GAP43: variants seen among roughly 807,000 people sequenced by gnomAD.
The protein encoded by GAP43 is neuromodulin.
GAP43 carries 6 observed loss-of-function variants against 18.6 expected under a neutral mutation model. The observed-to-expected ratio is 0.32, with a 90% CI of 0.18 to 0.64. GAP43 has a LOEUF of 0.64. Ranked by LOEUF, GAP43 falls within the 30% of genes least tolerant of loss-of-function variation. The pLI is 0.78. For synonymous variants in GAP43, 115 were observed against 111.4 expected, an observed-to-expected ratio of 1.03 and a Z score of -0.20; for missense variants, 292 against 295.5, an observed-to-expected ratio of 0.99 and a Z score of 0.09.
chr3:115,665,993 TG>T (rs1559795772), intron 1 of GAP43, among the ~76,000 whole-genome samples: 4,687 of 139,390 alleles, frequency 0.034, 134 homozygotes, highest in African/African-American at 0.07. Flanking sequence ...TAAATGAGTG[TG>T]TGTGTGTGTG....
At chr3:115,657,276 G>A (rs1370815214) in intron 1 of GAP43, among the ~76,000 whole-genome samples, 1 of 152,070 alleles carries the variant, frequency 6.6e-6, no homozygotes, top group Non-Finnish European at 1.5e-5. Flanking sequence ...GAGTTGCTTA[G>A]GTCTAAGGAG....
chr3:115,717,175 A>C (rs896380008), intron 2 of GAP43, among the ~76,000 whole-genome samples: 1 of 152,084 alleles, frequency 6.6e-6, no homozygotes, highest in Non-Finnish European at 1.5e-5. Flanking sequence ...TTCCTGAATG[A>C]GGTTATGTGC....
intron 1 of GAP43, chr3:115,663,750 A>T: frequency 6.4e-7 from 1 of 1,551,286 alleles, no homozygotes; most frequent in South Asian, 1.2e-5. Context: ...TTAGACAGTG[A>T]ACTAGGCCAG....
intron 2 of GAP43, among the ~76,000 whole-genome samples, chr3:115,709,980 G>C (rs897242620): frequency 1.2e-4 from 18 of 152,146 alleles, no homozygotes; most frequent in Middle Eastern, 6.8e-3. Context: ...TTATTAGACA[G>C]TTAGGTTCAA....
At chr3:115,719,396 A>G (rs1024423154) in intron 2 of GAP43, among the ~76,000 whole-genome samples, 1 of 152,188 alleles carries the variant, frequency 6.6e-6, no homozygotes, top group Admixed American at 6.5e-5. Context: ...TCCTTAACTG[A>G]TAAGAGTGGT....
chr3:115,666,323 T>C (rs967130814), intron 1 of GAP43, among the ~76,000 whole-genome samples: 1 of 152,168 alleles, frequency 6.6e-6, no homozygotes, highest in African/African-American at 2.4e-5. Flanking sequence ...TGAGAATAGA[T>C]ATAGCTCAGT....
intron 2 of GAP43, among the ~76,000 whole-genome samples, chr3:115,695,445 G>T (rs1050225785): frequency 5.9e-5 from 9 of 152,122 alleles, no homozygotes; most frequent in Non-Finnish European, 1.3e-4. Context: ...GTGACAATAT[G>T]GATTGTTTGT....
intron 2 of GAP43, among the ~76,000 whole-genome samples, chr3:115,696,405 C>T (rs1416783489): frequency 6.6e-6 from 1 of 151,980 alleles, no homozygotes; most frequent in African/African-American, 2.4e-5. Flanking sequence ...AATCTCAGCA[C>T]ATCTCACTTT....
rs542093374 is a variant in GAP43, at chr3:115,663,840, G to A, written c.31-12173G>A. 3.1e-5 allele frequency: 48 copies of A among 1,551,984 alleles called. No homozygotes were observed. The East Asian group carries it at 1.1e-3, about 34-fold the overall frequency. On this transcript the variant is annotated intron_variant, in intron 1 of 2. Transcript: ENST00000305124. The stretch of plus-strand genomic sequence containing the variant: ...CTCCACTTTTTACCTTGCCTGGGAG[G>A]CTTGAGGAAAAATCTTCAGAGAGCA...
At chr3:115,712,639 A>G (rs1709456657) in intron 2 of GAP43, among the ~76,000 whole-genome samples, 2 of 152,200 alleles carry the variant, frequency 1.3e-5, no homozygotes. Context: ...TAGGGCACGC[A>G]TTATTATTCA....
Position 115,652,389 on chromosome 3 carries a change from A to ATTTTTTTTTTTTTTTTTTT in GAP43, c.31-23623_31-23622insTTTTTTTTTTTTTTTTTTT, listed in dbSNP as rs1708531283. 9.0e-4 allele frequency among the ~76,000 whole-genome samples: 23 copies of ATTTTTTTTTTTTTTTTTTT among 25,620 alleles called. 2 individuals carry two copies. The highest frequency in any genetic ancestry group is 2.7e-3 in the African/African-American group (23 of 8,634). The allele number at this position is 25,620 out of a possible 152,430, so 16.8% of individuals were successfully genotyped here. ...TTTTTTTTTTTTTTTTTTTTTTGTG[A>ATTTTTTTTTTTTTTTTTTT]TAGAGTCTTGCTCTGTTGAGTCTTG... On this transcript the variant is annotated intron_variant, in intron 1 of 2. Coordinates refer to ENST00000305124, the MANE Select transcript of GAP43 (RefSeq NM_002045.4).
At position 115,676,568 on chromosome 3, in the gene GAP43, C is replaced by A. The variant is rs1362613425; in HGVS notation, c.586C>A (p.Pro196Thr). Residue 196 changes from proline (P) to threonine (T), a missense_variant, in exon 2 of 3, where the codon CCA (proline) becomes ACA (threonine). Pro to Thr is a conservative substitution (Grantham distance 38, BLOSUM62 -1). Transcript: ENST00000305124. ...DAAAKATAQP[P>T]TETGESSQAE... is the part of the protein sequence containing the mutation. ...TGCTGCCAAGGCAACAGCCCAGCCT[C>A]CAACGGAGACTGGGGAGAGCAGCCA... The A allele has an allele frequency of 6.2e-7, 1 of 1,611,454 alleles. No homozygotes were observed. Among genetic ancestry groups the A allele is most frequent in the South Asian group, 1.1e-5 (1 of 90,928 alleles).
chr3:115,714,771 C>A (rs1709482636), intron 2 of GAP43, among the ~76,000 whole-genome samples: 1 of 151,148 alleles, frequency 6.6e-6, no homozygotes, highest in Non-Finnish European at 1.5e-5. Context: ...TGATTTTGCC[C>A]TGGTAAAGAT....
chr3:115,691,230 A>G (rs897953830), intron 2 of GAP43, among the ~76,000 whole-genome samples: 4 of 152,250 alleles, frequency 2.6e-5, no homozygotes, highest in Non-Finnish European at 5.9e-5. Flanking sequence ...GTAATACAAA[A>G]GACAAATATA....
At chr3:115,661,080 A>G (rs1708651826) in intron 1 of GAP43, 1 of 152,192 alleles carries the variant, frequency 6.6e-6, no homozygotes, top group Non-Finnish European at 1.5e-5. Flanking sequence ...TGGTTCCACA[A>G]AATGTTTCTT....
At chr3:115,698,778 T>C (rs1403037397) in intron 2 of GAP43, among the ~76,000 whole-genome samples, 4 of 152,112 alleles carry the variant, frequency 2.6e-5, no homozygotes, top group African/African-American at 7.2e-5. Context: ...GAACCCCTGA[T>C]AATAGGAATC....
At chr3:115,634,896 C>T (rs1708309293) in intron 1 of GAP43, among the ~76,000 whole-genome samples, 1 of 152,170 alleles carries the variant, frequency 6.6e-6, no homozygotes, top group Non-Finnish European at 1.5e-5. Context: ...CTCTTACTAA[C>T]ATTCCAGTGG....
chr3:115,664,850 A>G (rs1708711829), intron 1 of GAP43, among the ~76,000 whole-genome samples: 2 of 152,196 alleles, frequency 1.3e-5, no homozygotes, highest in Admixed American at 1.3e-4. Context: ...GCATGCTCAA[A>G]CCACATGCCT....
At chr3:115,640,391 G>A (rs543434357) in intron 1 of GAP43, among the ~76,000 whole-genome samples, 5 of 151,996 alleles carry the variant, frequency 3.3e-5, no homozygotes, top group East Asian at 1.9e-4. Context: ...TGAGAGACCC[G>A]CCAGTCATGG....
Sources: gnomAD v4.1 joint callset for allele counts (sites outside exome capture counted in the v4.1 genomes callset) on GRCh38, gnomAD v4.1.1 for gene constraint, MANE v1.5 for transcripts, NCBI Gene and HGNC (gene_info 2026-07-23, HGNC 2026-07-21) for gene names.